SDK1: variants seen among roughly 807,000 people sequenced by gnomAD.
The protein encoded by SDK1 is sidekick cell adhesion molecule 1, also known as protein sidekick-1.
A neutral mutation model predicts 245.5 loss-of-function variants in SDK1; 157 were observed. The ratio of observed to expected loss-of-function variants is 0.64; its 90% CI spans 0.56 to 0.73. SDK1 has a LOEUF of 0.73. Ranked by LOEUF, SDK1 falls within the 30% of genes least tolerant of loss-of-function variation. SDK1 has a pLI of 0.00. For missense variants in SDK1, 3,583 were observed against 3,002.3 expected, an observed-to-expected ratio of 1.19 and a Z score of -4.52; for synonymous variants, 1,647 against 1,278.5, an observed-to-expected ratio of 1.29 and a Z score of -6.15.
chr7:3,726,238 G>C (rs1779004507), intron 4 of SDK1, among the ~76,000 whole-genome samples: 1 of 152,224 alleles, frequency 6.6e-6, no homozygotes, highest in Non-Finnish European at 1.5e-5. Flanking sequence ...AGGGCAGCCA[G>C]TGGATTGACA....
rs560124026 is a variant in SDK1, at chr7:3,357,328, G to GTTTTTTTTTT, written c.298+55474_298+55483dup. Among the ~76,000 whole-genome samples the GTTTTTTTTTT allele has an allele frequency of 1.1e-3, 56 of 52,946 alleles. 19 individuals carry two copies. The highest frequency in any genetic ancestry group is 3.1e-3 in the East Asian group (4 of 1,296). 34.7% of individuals were successfully genotyped at this position (52,946 alleles called of 152,430 possible). ...TTACTCTTGCTCCCCTTCTTTTAGT[G>GTTTTTTTTTT]TTTTTTTTTTTTTTTTTTTTTTTTT... On this transcript the variant is annotated intron_variant, in intron 1 of 44. Coordinates refer to ENST00000404826, the MANE Select transcript of SDK1 (RefSeq NM_152744.4).
intron 13 of SDK1, among the ~76,000 whole-genome samples, chr7:3,975,772 A>T (rs1782876674): frequency 1.3e-5 from 2 of 152,356 alleles, no homozygotes; most frequent in African/African-American, 2.4e-5. Flanking sequence ...TCCTTCCAGG[A>T]TGACCCCTTG....
chr7:3,992,937 C>T (rs1784449897), intron 14 of SDK1, among the ~76,000 whole-genome samples: 1 of 152,116 alleles, frequency 6.6e-6, no homozygotes, highest in Non-Finnish European at 1.5e-5. Context: ...CAGATACTGA[C>T]CCGTTTTGCA....
intron 17 of SDK1, among the ~76,000 whole-genome samples, chr7:4,044,195 C>T (rs1270186755): frequency 2.0e-5 from 3 of 152,208 alleles, no homozygotes; most frequent in Non-Finnish European, 2.9e-5. Context: ...GGCGCCATGG[C>T]TAGGAAAGCG....
rs750943197 is a variant in SDK1 at position 3,821,601 on chromosome 7, A to G, written c.847+18A>G. 3.7e-6 allele frequency: 6 copies of G among 1,610,238 alleles called. No individual in the cohort carries two copies. Among genetic ancestry groups the G allele is most frequent in the Non-Finnish European group, 5.1e-6 (6 of 1,178,660 alleles). On this transcript the variant is annotated intron_variant, in intron 5 of 44. Transcript: ENST00000404826. ...CATAGCAAGTGAGTTTTGAAATCCC[A>G]AATGGTAATTCTGCAAGCAATAAAA...
chr7:3,367,376 T>A (rs1322050051), intron 1 of SDK1, among the ~76,000 whole-genome samples: 1 of 152,182 alleles, frequency 6.6e-6, no homozygotes, highest in African/African-American at 2.4e-5. Flanking sequence ...TTTTTATGTT[T>A]GCATTCTCTA....
chr7:3,364,316 T>C (rs1781030926), intron 1 of SDK1, among the ~76,000 whole-genome samples: 1 of 152,200 alleles, frequency 6.6e-6, no homozygotes, highest in African/African-American at 2.4e-5. Context: ...GTTTTTTCTT[T>C]TATGGGTCAT....
At chr7:3,427,376 G>A (rs1358783707) in intron 1 of SDK1, among the ~76,000 whole-genome samples, 2 of 152,010 alleles carry the variant, frequency 1.3e-5, no homozygotes, top group African/African-American at 4.8e-5. Flanking sequence ...AAAATTGGCT[G>A]GGTGTGGTGG....
chr7:4,142,406 G>A (rs906068933), intron 28 of SDK1, among the ~76,000 whole-genome samples: 22 of 151,980 alleles, frequency 1.4e-4, no homozygotes, highest in African/African-American at 5.1e-4. Context: ...TCGGCTCACC[G>A]CAGCCTCCGC....
rs1562871899 is a variant in SDK1 at position 4,139,555 on chromosome 7, GTATATATGTGTGTATATGTGTGTGTGTA to G, written c.4229-6165_4229-6138del. Among the ~76,000 whole-genome samples the G allele has an allele frequency of 9.5e-4, 32 of 33,826 alleles. 1 individual carries two copies. Among genetic ancestry groups the G allele is most frequent in the African/African-American group, 2.4e-3 (19 of 7,798 alleles). The allele number at this position is 33,826 out of a possible 152,430, so 22.2% of individuals were successfully genotyped here. A position where few individuals can be genotyped will look rare whatever the true frequency, so the allele number is the denominator to read the frequency against. On this transcript the variant is annotated intron_variant, in intron 28 of 44. Transcript: ENST00000404826. ...TGTGTGTATATATGTGTGTGTATAT[GTATATATGTGTGTATATGTGTGTGTGTA>G]TGTGTGTGTATATGTATATATGTGT...
At chr7:3,316,480 C>T (rs1055498406) in intron 1 of SDK1, among the ~76,000 whole-genome samples, 1 of 152,138 alleles carries the variant, frequency 6.6e-6, no homozygotes, top group African/African-American at 2.4e-5. Flanking sequence ...ACAGAATTGC[C>T]TAATAGTGCA....
rs112903232 is a variant in SDK1, at chr7:3,333,116, C to G, written c.298+31232C>G. Among the ~76,000 whole-genome samples, 872 of 152,238 alleles carry G rather than the reference C, an allele frequency of 5.7e-3. 12 individuals carry two copies. The highest frequency in any genetic ancestry group is 0.019 in the African/African-American group (805 of 41,536). The stretch of plus-strand genomic sequence containing the variant: ...CAGGTATGCTGTCTAGGAAAGAGTT[C>G]AGGTCTCCTGCTTAAGAAATTGGGA... On this transcript the variant is annotated intron_variant, in intron 1 of 44. Transcript: ENST00000404826.
chr7:3,540,856 A>G (rs1294154955), intron 1 of SDK1, among the ~76,000 whole-genome samples: 4 of 152,212 alleles, frequency 2.6e-5, no homozygotes, highest in African/African-American at 7.2e-5. Context: ...ATTTCAAGGA[A>G]TTTACATGAA....
intron 5 of SDK1, among the ~76,000 whole-genome samples, chr7:3,886,995 A>G (rs944337661): frequency 9.2e-5 from 14 of 152,216 alleles, no homozygotes; most frequent in East Asian, 7.7e-4. Flanking sequence ...AGAGAAACCA[A>G]TGAGGCTACG....
intron 1 of SDK1, among the ~76,000 whole-genome samples, chr7:3,435,420 T>G (rs898252885): frequency 2.9e-5 from 4 of 139,202 alleles, no homozygotes; most frequent in African/African-American, 1.1e-4. Flanking sequence ...AACCTCTGCC[T>G]CCCGGGTTCA....
intron 1 of SDK1, among the ~76,000 whole-genome samples, chr7:3,592,622 G>T (rs1231695194): frequency 1.3e-5 from 2 of 152,020 alleles, no homozygotes; most frequent in Non-Finnish European, 2.9e-5. Flanking sequence ...TTGGTGTTCT[G>T]TTTCCTTTCC....
intron 1 of SDK1, among the ~76,000 whole-genome samples, chr7:3,381,355 G>C (rs909075075): frequency 4.6e-5 from 7 of 152,126 alleles, no homozygotes; most frequent in African/African-American, 1.4e-4. Flanking sequence ...TGAACTTGAG[G>C]CTTAGCAAAA....
At chr7:4,138,637 C>G (rs1415258517) in intron 28 of SDK1, among the ~76,000 whole-genome samples, 1 of 151,684 alleles carries the variant, frequency 6.6e-6, no homozygotes, top group Non-Finnish European at 1.5e-5. Context: ...ATCCCACCTA[C>G]TTGGGAGGCT....
intron 5 of SDK1, among the ~76,000 whole-genome samples, chr7:3,903,782 C>G (rs1003802627): frequency 5.3e-5 from 8 of 152,096 alleles, no homozygotes; most frequent in Non-Finnish European, 5.9e-5. Context: ...GAGGTGGGGC[C>G]TCATGGGAGG....
Sources: allele counts gnomAD v4.1 joint callset (sites outside exome capture counted in the v4.1 genomes callset), GRCh38; gene constraint gnomAD v4.1.1; transcripts MANE v1.5; gene names NCBI Gene and HGNC (gene_info 2026-07-23, HGNC 2026-07-21).